KHDRBS2: variants seen among roughly 807,000 people sequenced by gnomAD.
KHDRBS2 encodes the protein KH domain-containing, RNA-binding, signal transduction-associated protein 2.
A neutral mutation model predicts 44.3 loss-of-function variants in KHDRBS2; 26 were observed. The observed-to-expected ratio is 0.59, with a 90% confidence interval of 0.43 to 0.81. The LOEUF is 0.81. Ranked by LOEUF, KHDRBS2 falls within the 40% of genes least tolerant of loss-of-function variation. The pLI is 0.00. For missense variants in KHDRBS2, 476 were observed against 433.1 expected, an observed-to-expected ratio of 1.10 and a Z score of -0.88; for synonymous variants, 194 against 151.1, an observed-to-expected ratio of 1.28 and a Z score of -2.08.
chr6:62,240,634 A>G lies in KHDRBS2; in HGVS notation c.91+45224T>C, dbSNP rs1389350684. 1.1e-4 allele frequency among the ~76,000 whole-genome samples: 15 copies of G among 134,306 alleles called. No individual in the cohort carries two copies. The Admixed American group carries it at 1.1e-3, about 10-fold the overall frequency. The allele number at this position is 134,306 out of a possible 152,430, so 88.1% of individuals were successfully genotyped here. A position where few individuals can be genotyped will look rare whatever the true frequency, so the allele number is the denominator to read the frequency against. On this transcript the variant is annotated intron_variant, in intron 1 of 8. Transcript: ENST00000281156. ...TCTACATATACACATATGTACACAC[A>G]TATATGTGTGTGTGTATGTGTGTAT...
At chr6:62,120,018 G>A (rs1456198769) in intron 2 of KHDRBS2, among the ~76,000 whole-genome samples, 1 of 152,176 alleles carries the variant, frequency 6.6e-6, no homozygotes, top group African/African-American at 2.4e-5. Flanking sequence ...ACAGGCATGG[G>A]AATGGATATT....
chr6:62,215,559 T>TA (rs534111261), intron 1 of KHDRBS2, among the ~76,000 whole-genome samples: 10 of 151,614 alleles, frequency 6.6e-5, no homozygotes, highest in African/African-American at 9.7e-5. Flanking sequence ...CCAACCACAA[T>TA]AAAAAAATAC....
chr6:62,054,509 GATTAA>G (rs1384124226), intron 2 of KHDRBS2, among the ~76,000 whole-genome samples: 1 of 152,060 alleles, frequency 6.6e-6, no homozygotes, highest in East Asian at 1.9e-4. Context: ...ATATGGGTGT[GATTAA>G]ATTAGAGATC....
chr6:61,946,073 C>A (rs975007984), intron 4 of KHDRBS2, among the ~76,000 whole-genome samples: 3 of 152,154 alleles, frequency 2.0e-5, no homozygotes, highest in Non-Finnish European at 2.9e-5. Context: ...TACACAAGTA[C>A]ATCATCCTCC....
At chr6:61,946,937 C>A (rs1813490319) in intron 4 of KHDRBS2, among the ~76,000 whole-genome samples, 2 of 152,142 alleles carry the variant, frequency 1.3e-5, no homozygotes, top group African/African-American at 4.8e-5. Flanking sequence ...AGCGGTCGTC[C>A]TTCCTTGTTT....
the KHDRBS2 span, among the ~76,000 whole-genome samples, chr6:61,562,505 A>G: frequency 7.2e-5 from 11 of 152,210 alleles, no homozygotes; most frequent in East Asian, 3.9e-4. Context: ...TTTTTCTTAG[A>G]GTTTTTACTC....
intron 6 of KHDRBS2, among the ~76,000 whole-genome samples, chr6:61,843,371 AT>A (rs1562283772): frequency 6.9e-6 from 1 of 144,560 alleles, no homozygotes; most frequent in East Asian, 2.0e-4. Flanking sequence ...TATTATTATT[AT>A]TATATTTTGA....
chr6:61,549,652 G>T, the KHDRBS2 span, among the ~76,000 whole-genome samples: 3 of 152,102 alleles, frequency 2.0e-5, no homozygotes, highest in Non-Finnish European at 4.4e-5. Context: ...ATAACTACTA[G>T]TTGGAAGAGA....
At chr6:61,902,199 T>C (rs916555540) in intron 4 of KHDRBS2, among the ~76,000 whole-genome samples, 3 of 152,200 alleles carry the variant, frequency 2.0e-5, no homozygotes, top group African/African-American at 7.2e-5. Flanking sequence ...TCCACCCACC[T>C]GGGCCTCCCA....
At chr6:61,993,674 T>TATATATATATATATATA (rs58974944) in intron 3 of KHDRBS2, among the ~76,000 whole-genome samples, 10 of 84,312 alleles carry the variant, frequency 1.2e-4, no homozygotes, top group Admixed American at 3.2e-4. Flanking sequence ...TATATATATA[T>TATATATATATATATATA]TTTTTTTTTT....
chr6:62,254,531 T>C (rs1203676801), intron 1 of KHDRBS2, among the ~76,000 whole-genome samples: 1 of 152,044 alleles, frequency 6.6e-6, no homozygotes. Context: ...GAATCAGTCA[T>C]GCAAAGATCT....
chr6:62,209,982 T>A (rs1202245094), intron 1 of KHDRBS2, among the ~76,000 whole-genome samples: 3 of 152,156 alleles, frequency 2.0e-5, no homozygotes, highest in African/African-American at 7.2e-5. Context: ...CCTCAGCTTG[T>A]GGATGGCCTA....
chr6:62,073,151 T>C (rs372624058), intron 2 of KHDRBS2, among the ~76,000 whole-genome samples: 80 of 152,090 alleles, frequency 5.3e-4, no homozygotes, highest in African/African-American at 1.9e-3. Flanking sequence ...TATTTAATTC[T>C]TTCTTTGAAT....
chr6:61,630,469 A>G, the KHDRBS2 span: 1 of 152,158 alleles, frequency 6.6e-6, no homozygotes, highest in Admixed American at 6.5e-5. Context: ...AATGTCTTCC[A>G]TGGTGAACAG....
chr6:62,263,031 T>C (rs1366334984), intron 1 of KHDRBS2, among the ~76,000 whole-genome samples: 3 of 151,736 alleles, frequency 2.0e-5, no homozygotes, highest in African/African-American at 7.2e-5. Flanking sequence ...GTATAAACAC[T>C]AAAATTACAT....
chr6:61,828,163 T>C (rs1381277138), intron 6 of KHDRBS2, among the ~76,000 whole-genome samples: 4 of 152,200 alleles, frequency 2.6e-5, no homozygotes, highest in African/African-American at 4.8e-5. Context: ...GAATCCTTTA[T>C]ATTCTTAACA....
At chr6:62,017,695 G>A (rs899990610) in intron 3 of KHDRBS2, among the ~76,000 whole-genome samples, 6 of 152,032 alleles carry the variant, frequency 3.9e-5, no homozygotes, top group Non-Finnish European at 7.4e-5. Flanking sequence ...CAATAATGTA[G>A]TGTTCAGAGA....
chr6:61,759,423 A>T (rs1301781732), intron 6 of KHDRBS2, among the ~76,000 whole-genome samples: 1 of 152,232 alleles, frequency 6.6e-6, no homozygotes, highest in Non-Finnish European at 1.5e-5. Flanking sequence ...TATTTAAGAA[A>T]GCAGTTTTAA....
intron 6 of KHDRBS2, among the ~76,000 whole-genome samples, chr6:61,871,765 A>T (rs1798694269): frequency 1.3e-5 from 2 of 152,244 alleles, no homozygotes; most frequent in South Asian, 4.1e-4. Flanking sequence ...AAGCTTCATA[A>T]GCGAAGGAGA....
Sources: gnomAD v4.1 joint callset for allele counts (sites outside exome capture counted in the v4.1 genomes callset) on GRCh38, gnomAD v4.1.1 for gene constraint, MANE v1.5 for transcripts, NCBI Gene and HGNC (gene_info 2026-07-23, HGNC 2026-07-21) for gene names.